PTK2: variants seen among roughly 807,000 people sequenced by gnomAD.
PTK2 encodes the protein focal adhesion kinase 1.
In PTK2, 45 loss-of-function variants were observed where a neutral mutation model predicts 150.1. The ratio of observed to expected loss-of-function variants is 0.30; its 90% CI spans 0.24 to 0.38. The LOEUF (loss-of-function observed/expected upper bound fraction) is 0.38, where lower values mean the gene tolerates loss of function less well. Among genes scored for constraint, PTK2 ranks in the 10% least tolerant of loss-of-function variants. PTK2 has a pLI of 1.00. For synonymous variants in PTK2, 432 were observed against 449.2 expected, an observed-to-expected ratio of 0.96 and a Z score of 0.48; for missense variants, 919 against 1,307.3, an observed-to-expected ratio of 0.70 and a Z score of 4.58.
chr8:140,823,799 G>A (rs1485774065), intron 8 of PTK2, among the ~76,000 whole-genome samples: 1 of 152,194 alleles, frequency 6.6e-6, no homozygotes, highest in Admixed American at 6.5e-5. Context: ...GCACTAGACA[G>A]CACTTAAGTG....
intron 12 of PTK2, among the ~76,000 whole-genome samples, chr8:140,797,401 C>T (rs539998297): frequency 5.9e-5 from 9 of 152,172 alleles, no homozygotes; most frequent in Admixed American, 1.3e-4. Flanking sequence ...TTGTACTAAA[C>T]GAAACGTTTT....
intron 26 of PTK2, among the ~76,000 whole-genome samples, chr8:140,697,954 C>T (rs879817305): frequency 2.7e-5 from 4 of 146,232 alleles, no homozygotes; most frequent in Admixed American, 1.4e-4. Context: ...CTCAACCTGC[C>T]GAGAAGCTGA....
chr8:140,879,371 C>A lies in PTK2; in HGVS notation c.362+100G>T, dbSNP rs2100147584. 3.3e-6 allele frequency: 4 copies of A among 1,215,704 alleles called. No homozygotes were observed. In the South Asian group the frequency reaches 7.1e-5, roughly 22 times the overall value. The allele number at this position is 1,215,704 out of a possible 1,614,324, so 75.3% of individuals were successfully genotyped here. On this transcript the variant is annotated intron_variant, in intron 4 of 31. Coordinates refer to ENST00000522684, the Ensembl canonical transcript of PTK2. ...TTTATACCAGAGTTGTAATGACAAG[C>A]AGTGTGAAAATTAAACATATACATT...
intron 2 of PTK2, among the ~76,000 whole-genome samples, chr8:140,898,653 T>TA (rs1568432563): frequency 1.3e-5 from 2 of 151,974 alleles, no homozygotes; most frequent in African/African-American, 4.8e-5. Context: ...ATGCAGCACA[T>TA]ACAAAAAAGG....
intron 1 of PTK2, among the ~76,000 whole-genome samples, chr8:140,963,889 G>T (rs1279522173): frequency 6.6e-6 from 1 of 152,136 alleles, no homozygotes; most frequent in East Asian, 1.9e-4. Context: ...AGAGGGAGAA[G>T]GAGAGAAAGA....
chr8:140,750,810 G>A (rs911457971), intron 17 of PTK2, among the ~76,000 whole-genome samples: 2 of 152,214 alleles, frequency 1.3e-5, no homozygotes, highest in African/African-American at 4.8e-5. Flanking sequence ...TAAGGGCTGG[G>A]CACAGTGGCT....
chr8:140,710,960 G>C (rs2100036490), intron 23 of PTK2, among the ~76,000 whole-genome samples: 1 of 152,172 alleles, frequency 6.6e-6, no homozygotes, highest in African/African-American at 2.4e-5. Flanking sequence ...TTTGTTTTGA[G>C]ACAGTCACGC....
intron 2 of PTK2, among the ~76,000 whole-genome samples, chr8:140,892,843 T>C (rs905415285): frequency 1.3e-5 from 2 of 152,120 alleles, no homozygotes; most frequent in Admixed American, 6.6e-5. Context: ...ATTAAAAAGA[T>C]ATACCAAGTG....
intron 14 of PTK2, among the ~76,000 whole-genome samples, chr8:140,775,730 C>T (rs940854536): frequency 6.6e-6 from 1 of 151,898 alleles, no homozygotes; most frequent in African/African-American, 2.4e-5. Flanking sequence ...GCTTTATTTG[C>T]CCAGTTCATT....
chr8:140,995,833 C>T (rs1180377310), intron 1 of PTK2, among the ~76,000 whole-genome samples: 1 of 152,040 alleles, frequency 6.6e-6, no homozygotes, highest in Admixed American at 6.6e-5. Context: ...AGCGAGGCCT[C>T]CTGTGCCAAA....
intron 22 of PTK2, among the ~76,000 whole-genome samples, chr8:140,727,943 C>T (rs2100046903): frequency 6.6e-6 from 1 of 152,050 alleles, no homozygotes; most frequent in Non-Finnish European, 1.5e-5. Flanking sequence ...CACCTGTAAT[C>T]CCAGCACTTT....
intron 17 of PTK2, among the ~76,000 whole-genome samples, chr8:140,748,650 C>T (rs532400393): frequency 2.4e-4 from 36 of 152,254 alleles, no homozygotes; most frequent in Non-Finnish European, 4.6e-4. Context: ...ATGGCAGTAA[C>T]ATGAGTTTGA....
intron 27 of PTK2, among the ~76,000 whole-genome samples, chr8:140,681,581 TC>T (rs750338354): frequency 3.3e-5 from 5 of 151,690 alleles, no homozygotes; most frequent in Admixed American, 2.0e-4. Context: ...ATCGAGACCA[TC>T]CCGGCTAACA....
exon 32 of PTK2, chr8:140,659,411 G>T (rs1289671031): frequency 6.7e-7 from 1 of 1,487,310 alleles, no homozygotes; most frequent in Non-Finnish European, 9.2e-7. Flanking sequence ...GCTGCTGGTG[G>T]AAGGCTAGAG....
In PTK2 at chr8:140,668,343, G is replaced by A. The variant is rs144934662; in HGVS notation, c.2791C>T (p.Leu931=). Reference sequence around the variant, plus strand: ...GACATCTCGATGACAGCTTTCACCAGGCCCGTCACATTCTCGTACACCTTA... The same window carrying A: ...GACATCTCGATGACAGCTTTCACCAAGCCCGTCACATTCTCGTACACCTTA... Residue 931 remains leucine, a synonymous_variant, in exon 30 of 32, where the codon CTG becomes TTG. Transcript: ENST00000522684. 6.2e-6 allele frequency: 10 copies of A among 1,613,976 alleles called. No homozygotes were observed. The highest frequency in any genetic ancestry group is 6.8e-6 in the Non-Finnish European group (8 of 1,180,020).
intron 1 of PTK2, among the ~76,000 whole-genome samples, chr8:140,992,265 C>T (rs1030057443): frequency 2.0e-5 from 3 of 146,688 alleles, no homozygotes; most frequent in African/African-American, 7.5e-5. Context: ...GCCCTCCAGC[C>T]TGGGCAACAG....
intron 5 of PTK2, among the ~76,000 whole-genome samples, chr8:140,853,072 T>TAAATG (rs1451260033): frequency 6.6e-6 from 1 of 152,062 alleles, no homozygotes; most frequent in African/African-American, 2.4e-5. Flanking sequence ...GGAAAGTGAA[T>TAAATG]AAATGAGGTC....
intron 4 of PTK2, among the ~76,000 whole-genome samples, chr8:140,878,008 G>T (rs535370468): frequency 6.6e-6 from 1 of 152,156 alleles, no homozygotes; most frequent in African/African-American, 2.4e-5. Flanking sequence ...ACCTGAGTAG[G>T]GGAGTTCAAG....
intron 31 of PTK2, among the ~76,000 whole-genome samples, chr8:140,662,472 G>C (rs2081968886): frequency 6.6e-6 from 1 of 152,068 alleles, no homozygotes; most frequent in Non-Finnish European, 1.5e-5. Flanking sequence ...CTAGCATATG[G>C]AACTTCTCCA....
Sources: allele counts gnomAD v4.1 joint callset (sites outside exome capture counted in the v4.1 genomes callset), GRCh38; gene constraint gnomAD v4.1.1; transcripts MANE v1.5; gene names NCBI Gene and HGNC (gene_info 2026-07-23, HGNC 2026-07-21).